YLPM1: variants seen among roughly 807,000 people sequenced by gnomAD.
YLPM1 encodes the protein YLP motif-containing protein 1.
In YLPM1, 99 loss-of-function variants were observed where a neutral mutation model predicts 230.0. The observed-to-expected ratio is 0.43, with a 90% CI of 0.37 to 0.51. The LOEUF (loss-of-function observed/expected upper bound fraction) is 0.51. Ranked by LOEUF, YLPM1 falls within the 20% of genes least tolerant of loss-of-function variation. The pLI is 0.00. For synonymous variants in YLPM1, 984 were observed against 942.5 expected (o/e 1.04, Z -0.81); for missense variants, 2,592 against 2,707.7 (o/e 0.96, Z 0.95).
intron 1 of YLPM1, among the ~76,000 whole-genome samples, chr14:74,767,076 G>T (rs1012528629): frequency 6.6e-6 from 1 of 151,676 alleles, no homozygotes. Context: ...TAGAGACGGG[G>T]TTTCACCATG....
intron 5 of YLPM1, among the ~76,000 whole-genome samples, chr14:74,801,704 C>T (rs547521163): frequency 6.6e-5 from 10 of 152,290 alleles, no homozygotes; most frequent in East Asian, 5.8e-4. Context: ...CTAACATGGG[C>T]AGCCTCTACT....
At chr14:74,775,934 A>G (rs2091032315) in intron 1 of YLPM1, among the ~76,000 whole-genome samples, 1 of 152,202 alleles carries the variant, frequency 6.6e-6, no homozygotes, top group Non-Finnish European at 1.5e-5. Context: ...AATAAGTTCC[A>G]ATGTTCTCCA....
In YLPM1 at chr14:74,810,359, CGTG is replaced by C; in HGVS notation, c.5171_5173del (p.Gly1724del). The C allele has an allele frequency of 6.2e-7, 1 of 1,613,544 alleles. No individual in the cohort carries two copies. Among genetic ancestry groups the C allele is most frequent in the Non-Finnish European group, 8.5e-7 (1 of 1,179,810 alleles). On this transcript the variant is annotated inframe_deletion, in exon 9 of 21. Transcript: ENST00000325680. ...GACACATAGAGATCGAGACCGGGAT[CGTG>C]GTGTTATTGACTATGACCGGGATCG...
intron 1 of YLPM1, among the ~76,000 whole-genome samples, chr14:74,768,466 C>T (rs563349614): frequency 2.6e-5 from 4 of 152,214 alleles, no homozygotes; most frequent in East Asian, 1.9e-4. Context: ...AGGCTGGTCT[C>T]GAACTCCTGA....
In YLPM1 at chr14:74,781,636, T is replaced by TCC; in HGVS notation, c.1593_1594insCC (p.Thr532ProfsTer16). 1 of 1,613,888 alleles carries TCC rather than the reference T, an allele frequency of 6.2e-7. No homozygotes were observed. Among genetic ancestry groups the TCC allele is most frequent in the Non-Finnish European group, 8.5e-7 (1 of 1,179,868 alleles). The stretch of plus-strand genomic sequence containing the variant: ...ATTCTCAGATGCCTCCACCTCTACC[T>TCC]ACAATGCCCCCTCCAGTGTTGCCTC... On this transcript the variant is annotated frameshift_variant, in exon 4 of 21. Transcript: ENST00000325680. LOFTEE classifies it high-confidence loss of function.
chr14:74,819,556 T>G (rs1298118036), intron 16 of YLPM1, among the ~76,000 whole-genome samples: 6 of 152,188 alleles, frequency 3.9e-5, no homozygotes, highest in Admixed American at 3.9e-4. Flanking sequence ...ATTACAGACG[T>G]GAGCCACCAT....
At chr14:74,777,296 T>G (rs2091050921) in intron 1 of YLPM1, among the ~76,000 whole-genome samples, 1 of 152,170 alleles carries the variant, frequency 6.6e-6, no homozygotes, top group South Asian at 2.1e-4. Flanking sequence ...CCAGGTGCGG[T>G]GGCTCACACC....
rs1433834947 is a variant in YLPM1 at position 74,763,778 on chromosome 14, T to C, written c.289T>C (p.Tyr97His). ...PPPPVMPGGG[Y>H]GDWQPPPPPM... is the part of the protein sequence containing the mutation. ...CCCGCCAGTGATGCCGGGGGGCGGC[T>C]ACGGAGACTGGCAGCCGCCACCGCC... is the stretch of plus-strand genomic sequence containing the variant. Residue 97 changes from tyrosine to histidine, a missense_variant, in exon 1 of 21, where the codon TAC becomes CAC. Physicochemically the swap from Tyr to His is moderately conservative, Grantham distance 83. Coordinates refer to ENST00000325680, the MANE Select transcript of YLPM1 (RefSeq NM_019589.3). The C allele has an allele frequency of 1.3e-6, 2 of 1,514,330 alleles. No homozygotes were observed. The highest frequency in any genetic ancestry group is 2.3e-5 in the East Asian group (1 of 42,886). The allele number at this position is 1,514,330 out of a possible 1,614,324, so 93.8% of individuals were successfully genotyped here.
chr14:74,766,644 T>A (rs2090914440), intron 1 of YLPM1, among the ~76,000 whole-genome samples: 1 of 150,124 alleles, frequency 6.7e-6, no homozygotes, highest in East Asian at 2.0e-4. Flanking sequence ...CTATTTTTTT[T>A]TTTTTTTTTT....
chr14:74,785,834 A>G (rs2091143626), intron 4 of YLPM1, among the ~76,000 whole-genome samples: 2 of 152,240 alleles, frequency 1.3e-5, no homozygotes. Context: ...ACAAAACTGC[A>G]TGACATGTAA....
At chr14:74,779,452 C>T (rs1402419842) in intron 2 of YLPM1, among the ~76,000 whole-genome samples, 1 of 152,110 alleles carries the variant, frequency 6.6e-6, no homozygotes, top group African/African-American at 2.4e-5. Context: ...TGTGATAATT[C>T]TTGTCACTCA....
At chr14:74,818,576 C>T (rs1354819336) in intron 16 of YLPM1, among the ~76,000 whole-genome samples, 1 of 152,128 alleles carries the variant, frequency 6.6e-6, no homozygotes, top group Non-Finnish European at 1.5e-5. Flanking sequence ...TATAAACCTT[C>T]ACCCTTAAAT....
chr14:74,793,274 C>T (rs185960344), intron 4 of YLPM1, among the ~76,000 whole-genome samples: 50 of 152,092 alleles, frequency 3.3e-4, no homozygotes, highest in East Asian at 5.8e-4. Context: ...TTTTTTCTCT[C>T]GTTTTCTGTT....
intron 1 of YLPM1, 98 bp downstream of exon 1, chr14:74,764,460 C>G (rs2090891319): frequency 5.8e-6 from 8 of 1,379,362 alleles, no homozygotes; most frequent in Admixed American, 2.8e-5. Flanking sequence ...TTCCAACACA[C>G]AATGACTAGC....
At chr14:74,789,219 C>CT (rs770235113) in intron 4 of YLPM1, among the ~76,000 whole-genome samples, 1 of 152,066 alleles carries the variant, frequency 6.6e-6, no homozygotes, top group African/African-American at 2.4e-5. Flanking sequence ...AAGGGATTGG[C>CT]AAGCTTTCTT....
chr14:74,806,474 C>A (rs1361188569), intron 6 of YLPM1, among the ~76,000 whole-genome samples: 1 of 152,124 alleles, frequency 6.6e-6, no homozygotes, highest in Non-Finnish European at 1.5e-5. Flanking sequence ...CACCTGTAAT[C>A]CCAGCTACTA....
chr14:74,824,690 AT>A (rs1477497195), intron 18 of YLPM1, among the ~76,000 whole-genome samples: 1 of 152,044 alleles, frequency 6.6e-6, no homozygotes, highest in Non-Finnish European at 1.5e-5. Flanking sequence ...GATAATAAAA[AT>A]AATATAAAGT....
At chr14:74,765,249 T>G (rs2090900274) in intron 1 of YLPM1, among the ~76,000 whole-genome samples, 1 of 152,206 alleles carries the variant, frequency 6.6e-6, no homozygotes, top group Non-Finnish European at 1.5e-5. Flanking sequence ...TTGTTATGAT[T>G]TCCTAAAGTA....
Position 74,764,248 on chromosome 14 carries a change from C to T in YLPM1, c.759C>T (p.Pro253=), listed in dbSNP as rs754403344. 1 of 1,613,906 alleles carries T rather than the reference C, an allele frequency of 6.2e-7. No homozygotes were observed. Among genetic ancestry groups the T allele is most frequent in the Non-Finnish European group, 8.5e-7 (1 of 1,179,892 alleles). The change falls in exon 1 of 21, where the codon CCC becomes CCT. Residue 253 remains proline, a synonymous_variant. Coordinates refer to ENST00000325680, the MANE Select transcript of YLPM1 (RefSeq NM_019589.3). ...TAGCTCCACCACCACCGTCCGCCCC[C>T]CCTGGAAATAAGACAACTGTCCAGC... ...QLLAPPPPSA[P]PGNKTTVQQE...
Sources: allele counts gnomAD v4.1 joint callset (sites outside exome capture counted in the v4.1 genomes callset), GRCh38; gene constraint gnomAD v4.1.1; transcripts MANE v1.5; gene names NCBI Gene and HGNC (gene_info 2026-07-23, HGNC 2026-07-21).